ACSS3: variants seen among roughly 807,000 people sequenced by gnomAD.
ACSS3 encodes the protein acyl-CoA synthetase short chain family member 3, also known as acyl-CoA synthetase short-chain family member 3, mitochondrial.
A neutral mutation model predicts 84.2 loss-of-function variants in ACSS3; 64 were observed. That is an observed-to-expected ratio of 0.76 (90% CI 0.62 to 0.94). ACSS3 has a LOEUF of 0.94. ACSS3 is among the 40% of genes least tolerant of loss of function. The pLI is 0.00. For missense variants in ACSS3, 815 were observed against 867.6 expected (o/e 0.94, Z 0.76); for synonymous variants, 317 against 310.1 (o/e 1.02, Z -0.23).
chr12:81,096,820 A>G (rs949057501), intron 1 of ACSS3, among the ~76,000 whole-genome samples: 1 of 152,120 alleles, frequency 6.6e-6, no homozygotes, highest in East Asian at 1.9e-4. Flanking sequence ...TTATGGCTGC[A>G]TGGTATTCCA....
Position 81,110,590 on chromosome 12 carries a change from A to G in ACSS3, c.456+886A>G, listed in dbSNP as rs76559824. ...TAATGGTGCAAGGCAGGATTTCTCA[A>G]CTTTGGCACTGTTGATATTTTGGAT... On this transcript the variant is annotated intron_variant, in intron 2 of 15. Coordinates refer to ENST00000548058, the MANE Select transcript of ACSS3 (RefSeq NM_024560.4). 8.4e-3 allele frequency among the ~76,000 whole-genome samples: 1,285 copies of G among 152,310 alleles called. 15 individuals carry two copies. Among genetic ancestry groups the G allele is most frequent in the East Asian group, 0.046 (236 of 5,174 alleles).
intron 13 of ACSS3, among the ~76,000 whole-genome samples, chr12:81,240,463 A>ACAT (rs2033760529): frequency 6.6e-6 from 1 of 152,006 alleles, no homozygotes; most frequent in Non-Finnish European, 1.5e-5. Context: ...CTTTCAGAAA[A>ACAT]CATATAATTG....
At chr12:81,199,667 G>A (rs1593188417) in intron 9 of ACSS3, 2 of 1,461,282 alleles carry the variant, frequency 1.4e-6, no homozygotes, top group Non-Finnish European at 1.8e-6. Context: ...TAGGTATAAA[G>A]CACTAAAGAC....
At chr12:81,082,179 C>T (rs2121266995) in intron 1 of ACSS3, among the ~76,000 whole-genome samples, 1 of 152,318 alleles carries the variant, frequency 6.6e-6, no homozygotes, top group East Asian at 1.9e-4. Flanking sequence ...AGATAGTAAA[C>T]ACGGTACCTG....
At chr12:81,214,289 G>C (rs1342702797) in intron 9 of ACSS3, among the ~76,000 whole-genome samples, 1 of 152,016 alleles carries the variant, frequency 6.6e-6, no homozygotes, top group Non-Finnish European at 1.5e-5. Flanking sequence ...GCCTCCGAAA[G>C]TGCTGGAATT....
intron 1 of ACSS3, among the ~76,000 whole-genome samples, chr12:81,088,378 T>C (rs1223286891): frequency 1.3e-5 from 2 of 152,070 alleles, no homozygotes; most frequent in East Asian, 3.8e-4. Context: ...AAATAATAAC[T>C]TTATGACTGT....
rs145496537 is a variant in ACSS3, at chr12:81,215,733, G to A, written c.1355-1168G>A. Reference sequence around the variant, plus strand: ...CCAAATACTATTTTCCTGCCCTTTCGTACATATATATTTTGTATTCAAAAG... The same window carrying A: ...CCAAATACTATTTTCCTGCCCTTTCATACATATATATTTTGTATTCAAAAG... On this transcript the variant is annotated intron_variant, in intron 9 of 15. Coordinates refer to ENST00000548058, the MANE Select transcript of ACSS3 (RefSeq NM_024560.4). Among the ~76,000 whole-genome samples the A allele has an allele frequency of 1.8e-4, 28 of 152,124 alleles. No individual in the cohort carries two copies. In the East Asian group the frequency reaches 5.0e-3, roughly 27 times the overall value.
At chr12:81,104,138 A>C (rs961845687) in intron 1 of ACSS3, among the ~76,000 whole-genome samples, 1 of 152,222 alleles carries the variant, frequency 6.6e-6, no homozygotes, top group Non-Finnish European at 1.5e-5. Flanking sequence ...GGTAGAGCGA[A>C]GGTCAACCAG....
At chr12:81,212,360 G>A (rs1159464496) in intron 9 of ACSS3, among the ~76,000 whole-genome samples, 1 of 152,138 alleles carries the variant, frequency 6.6e-6, no homozygotes, top group African/African-American at 2.4e-5. Flanking sequence ...CACCAGTAAT[G>A]CTATTTGCAA....
At chr12:81,131,406 G>C (rs139626286) in intron 2 of ACSS3, among the ~76,000 whole-genome samples, 53,478 of 151,884 alleles carry the variant, frequency 0.35, 11,916 homozygotes, top group Non-Finnish European at 0.5. Flanking sequence ...ATGGGAATTC[G>C]CTCATGATTT....
rs773236313 is a variant in ACSS3, at chr12:81,231,100, C to A, written c.1558C>A (p.Gln520Lys). The A allele has an allele frequency of 6.2e-7, 1 of 1,610,690 alleles. No individual in the cohort carries two copies. Among genetic ancestry groups the A allele is most frequent in the African/African-American group, 1.3e-5 (1 of 74,662 alleles). Residue 520 changes from glutamine (Q) to lysine (K), a missense_variant, in exon 12 of 16, where the codon CAG (glutamine) becomes AAG (lysine). Physicochemically the swap from Gln to Lys is moderately conservative, Grantham distance 53. Transcript: ENST00000548058. ...GGCTTTTTCAGGACTCTGGAAGAAT[C>A]AGGAAGCATTCAAGCATTTATACTT... ...PGAFSGLWKN[Q>K]EAFKHLYFEK...
rs143639628 is a variant in ACSS3, at chr12:81,205,653, G to A, written c.1354+6209G>A. Among the ~76,000 whole-genome samples, 73 of 151,696 alleles carry A rather than the reference G, an allele frequency of 4.8e-4. 2 individuals are homozygous for A. Among genetic ancestry groups the A allele is most frequent in the African/African-American group, 1.1e-3 (46 of 41,408 alleles). On this transcript the variant is annotated intron_variant, in intron 9 of 15. Coordinates refer to ENST00000548058, the MANE Select transcript of ACSS3 (RefSeq NM_024560.4). ...CAAAGTCTAAGTCACTTTTTTTTCC[G>A]TGATCATCCTCTTCCATTGTTCCTC...
chr12:81,177,744 GA>G (rs2030598505), intron 8 of ACSS3, among the ~76,000 whole-genome samples: 1 of 152,116 alleles, frequency 6.6e-6, no homozygotes, highest in Admixed American at 6.5e-5. Context: ...CAGAGAAATG[GA>G]AATCAAAACC....
intron 4 of ACSS3, among the ~76,000 whole-genome samples, chr12:81,140,075 G>A (rs1276745788): frequency 2.0e-5 from 3 of 152,178 alleles, no homozygotes; most frequent in South Asian, 2.1e-4. Context: ...GAATGCATGC[G>A]CTCTGACTGC....
chr12:81,249,980 G>A (rs143278929), intron 13 of ACSS3, among the ~76,000 whole-genome samples: 324 of 152,126 alleles, frequency 2.1e-3, no homozygotes, highest in Middle Eastern at 6.8e-3. Flanking sequence ...AACAACAGAT[G>A]ACAGGAATTT....
chr12:81,204,976 G>A (rs2032282588), intron 9 of ACSS3, among the ~76,000 whole-genome samples: 1 of 152,138 alleles, frequency 6.6e-6, no homozygotes, highest in South Asian at 2.1e-4. Context: ...TGATTGAAAT[G>A]TTTGATCTTA....
chr12:81,214,603 G>T (rs1376729573), intron 9 of ACSS3, among the ~76,000 whole-genome samples: 1 of 152,158 alleles, frequency 6.6e-6, no homozygotes, highest in Non-Finnish European at 1.5e-5. Flanking sequence ...ATCTCAGGAG[G>T]TTCGTATATC....
chr12:81,195,029 A>C (rs1323480193), intron 8 of ACSS3, among the ~76,000 whole-genome samples: 1 of 152,078 alleles, frequency 6.6e-6, no homozygotes, highest in Admixed American at 6.6e-5. Context: ...TATAAGCCAA[A>C]GACATGGGCA....
rs1256645282 is a variant in ACSS3 at position 81,152,060 on chromosome 12, A to G, written c.1062A>G (p.Gly354=). 1.9e-6 allele frequency: 3 copies of G among 1,613,270 alleles called. No individual in the cohort carries two copies. Among genetic ancestry groups the G allele is most frequent in the Admixed American group, 1.7e-5 (1 of 59,968 alleles). ...WVVGHSYICY[G]PLLHGNTTVL... Reference sequence around the variant, plus strand: ...TTGGACATTCCTATATCTGCTATGGACCTCTTCTTCATGGGAACACAACAG... The same window carrying G: ...TTGGACATTCCTATATCTGCTATGGGCCTCTTCTTCATGGGAACACAACAG... Residue 354 remains glycine, a synonymous_variant, in exon 7 of 16, where the codon GGA becomes GGG. Transcript: ENST00000548058.
Sources: allele counts gnomAD v4.1 joint callset (sites outside exome capture counted in the v4.1 genomes callset), GRCh38; gene constraint gnomAD v4.1.1; transcripts MANE v1.5; gene names NCBI Gene and HGNC (gene_info 2026-07-23, HGNC 2026-07-21).